RORA: variants seen among roughly 807,000 people sequenced by gnomAD.
RORA encodes the protein nuclear receptor ROR-alpha.
Under a neutral mutation model 69.5 loss-of-function variants are expected in RORA, and 7 were observed. That is an observed-to-expected ratio of 0.10 (90% CI 0.06 to 0.19). RORA has a LOEUF of 0.19. Ranked by LOEUF, RORA falls within the 10% of genes least tolerant of loss-of-function variation. RORA has a pLI of 1.00. For missense variants in RORA, 457 were observed against 663.0 expected (o/e 0.69, Z 3.41); for synonymous variants, 261 against 240.8 (o/e 1.08, Z -0.78).
intron 1 of RORA, among the ~76,000 whole-genome samples, chr15:60,902,686 C>G (rs566827084): frequency 1.3e-5 from 2 of 152,320 alleles, no homozygotes; most frequent in South Asian, 2.1e-4. Context: ...TTTAAAATCA[C>G]TCTCTGAGAG....
chr15:61,019,155 G>A (rs986633526), intron 1 of RORA, among the ~76,000 whole-genome samples: 3 of 152,308 alleles, frequency 2.0e-5, no homozygotes, highest in African/African-American at 4.8e-5. Context: ...TGGCTTCACA[G>A]CACCACAGAA....
At chr15:60,910,142 T>C (rs186301814) in intron 1 of RORA, among the ~76,000 whole-genome samples, 297 of 152,308 alleles carry the variant, frequency 1.9e-3, no homozygotes, top group Non-Finnish European at 3.4e-3. Flanking sequence ...GTCAGATCCA[T>C]GAGGCTAAAC....
intron 1 of RORA, among the ~76,000 whole-genome samples, chr15:60,950,227 C>G (rs971170817): frequency 1.4e-4 from 21 of 150,600 alleles, no homozygotes; most frequent in Non-Finnish European, 2.8e-4. Context: ...ACTTTACAGA[C>G]AAGCAAATGC....
intron 1 of RORA, chr15:61,176,440 C>G (rs187145658): frequency 1.7e-4 from 26 of 152,202 alleles, no homozygotes; most frequent in Non-Finnish European, 2.9e-4. Context: ...GATGGTCAGC[C>G]CTTTAAGCAT....
intron 1 of RORA, among the ~76,000 whole-genome samples, chr15:61,183,659 G>A (rs2079710720): frequency 6.6e-6 from 1 of 151,824 alleles, no homozygotes; most frequent in South Asian, 2.1e-4. Flanking sequence ...AAAGCAGTTT[G>A]CACTAGTTCT....
intron 2 of RORA, among the ~76,000 whole-genome samples, chr15:60,564,105 C>T (rs1477642753): frequency 6.6e-6 from 1 of 152,170 alleles, no homozygotes; most frequent in Non-Finnish European, 1.5e-5. Context: ...AATTGGTATA[C>T]AGCACGGCTG....
chr15:60,979,345 G>T (rs1566932028), intron 1 of RORA, among the ~76,000 whole-genome samples: 1 of 142,178 alleles, frequency 7.0e-6, no homozygotes, highest in South Asian at 2.2e-4. Context: ...GAATTTTAGG[G>T]TCAGCTTGAA....
chr15:60,627,440 A>C, intron 2 of RORA: 1 of 1,599,760 alleles, frequency 6.3e-7, no homozygotes, highest in Non-Finnish European at 8.5e-7. Flanking sequence ...TGTACTATGG[A>C]GTCCAAGGTG....
At chr15:61,154,173 C>T (rs1046006576) in intron 1 of RORA, among the ~76,000 whole-genome samples, 5 of 152,146 alleles carry the variant, frequency 3.3e-5, no homozygotes, top group African/African-American at 1.2e-4. Context: ...GAAGGCATTC[C>T]TCCCCACCAA....
chr15:60,809,567 T>G (rs2072712071), intron 1 of RORA, among the ~76,000 whole-genome samples: 1 of 152,200 alleles, frequency 6.6e-6, no homozygotes, highest in South Asian at 2.1e-4. Context: ...CTTTATCTAC[T>G]GACCTTCCAC....
intron 1 of RORA, among the ~76,000 whole-genome samples, chr15:61,154,413 G>A (rs2079424698): frequency 6.6e-6 from 1 of 152,010 alleles, no homozygotes; most frequent in Admixed American, 6.6e-5. Context: ...GGCTTTCAAG[G>A]TGAAAAATAC....
intron 5 of RORA, among the ~76,000 whole-genome samples, chr15:60,509,332 T>C (rs2065615433): frequency 6.6e-6 from 1 of 152,204 alleles, no homozygotes; most frequent in Non-Finnish European, 1.5e-5. Flanking sequence ...ATTTAATTTA[T>C]CTTGGTAAAT....
intron 1 of RORA, among the ~76,000 whole-genome samples, chr15:60,967,186 T>G (rs993044797): frequency 9.8e-4 from 149 of 152,330 alleles, no homozygotes; most frequent in Non-Finnish European, 1.0e-3. Context: ...TAAATATTTT[T>G]TGTAGATTTT....
chr15:61,043,156 C>T (rs2140476531), intron 1 of RORA, among the ~76,000 whole-genome samples: 1 of 152,290 alleles, frequency 6.6e-6, no homozygotes, highest in East Asian at 1.9e-4. Context: ...TTATCATTCC[C>T]ATTTTAGAGA....
At chr15:60,670,294 C>T (rs574414723) in intron 2 of RORA, among the ~76,000 whole-genome samples, 8 of 150,444 alleles carry the variant, frequency 5.3e-5, no homozygotes, top group East Asian at 1.9e-4. Flanking sequence ...ACTGCCGCTT[C>T]GGCATCCCAG....
At chr15:60,503,715 T>C (rs768497613) in intron 6 of RORA, 48 bp from the exon 7 acceptor site, 3 of 1,605,170 alleles carry the variant, frequency 1.9e-6, no homozygotes, top group Non-Finnish European at 2.5e-6. Flanking sequence ...GATGTTAGCT[T>C]TTGTAGCAGA....
At chr15:60,510,500 T>C (rs2065659940) in intron 5 of RORA, 1 of 152,220 alleles carries the variant, frequency 6.6e-6, no homozygotes, top group African/African-American at 2.4e-5. Flanking sequence ...ATTACATCAA[T>C]TTTGTCACCA....
intron 1 of RORA, among the ~76,000 whole-genome samples, chr15:61,085,897 T>A (rs2078617956): frequency 6.6e-6 from 1 of 152,200 alleles, no homozygotes; most frequent in Non-Finnish European, 1.5e-5. Context: ...CTTGCAGTTA[T>A]AAAACAGAAA....
At chr15:60,826,334 G>C (rs2072956025) in intron 1 of RORA, among the ~76,000 whole-genome samples, 1 of 152,158 alleles carries the variant, frequency 6.6e-6, no homozygotes. Flanking sequence ...CACCTGACCT[G>C]GTCAGCATAT....
Sources: gnomAD v4.1 joint callset for allele counts (sites outside exome capture counted in the v4.1 genomes callset) on GRCh38, gnomAD v4.1.1 for gene constraint, MANE v1.5 for transcripts, NCBI Gene and HGNC (gene_info 2026-07-23, HGNC 2026-07-21) for gene names.